OGDHL: variants seen among roughly 807,000 people sequenced by gnomAD.
OGDHL encodes the protein 2-oxoglutarate dehydrogenase-like, mitochondrial.
OGDHL carries 79 observed loss-of-function variants against 109.6 expected under a neutral mutation model. The ratio of observed to expected loss-of-function variants is 0.72; its 90% CI spans 0.60 to 0.87. The LOEUF (loss-of-function observed/expected upper bound fraction) is 0.87, where lower values mean the gene tolerates loss of function less well. Among genes scored for constraint, OGDHL ranks in the 40% least tolerant of loss-of-function variants. OGDHL has a pLI of 0.00. For synonymous variants in OGDHL, 528 were observed against 537.2 expected (o/e 0.98, Z 0.24); for missense variants, 1,275 against 1,362.2 (o/e 0.94, Z 1.01).
chr10:49,757,027 G>A lies in OGDHL; in HGVS notation c.205-81C>T, dbSNP rs1210208518. ...GTGGCCCAGGCTGGGGCCCCAAGGA[G>A]TGTCAGGTCTTCCTTGAGGACCACA... On this transcript the variant is annotated intron_variant, in intron 2 of 22. Coordinates refer to ENST00000374103, the MANE Select transcript of OGDHL (RefSeq NM_018245.3). The A allele has an allele frequency of 2.8e-6, 4 of 1,441,342 alleles. No homozygotes were observed. In the South Asian group the frequency reaches 4.1e-5, roughly 15 times the overall value. 89.3% of individuals were successfully genotyped at this position (1,441,342 alleles called of 1,614,324 possible).
chr10:49,746,144 C>T (rs752359814), intron 10 of OGDHL, among the ~76,000 whole-genome samples, 167 bp from the exon 11 acceptor site: 4 of 152,174 alleles, frequency 2.6e-5, no homozygotes, highest in Non-Finnish European at 5.9e-5. Flanking sequence ...TTAGACACGG[C>T]AACAGCTCCC....
intron 17 of OGDHL, 91 bp downstream of exon 17, chr10:49,739,570 C>T (rs1311859074): frequency 7.4e-6 from 11 of 1,482,836 alleles, no homozygotes; most frequent in African/African-American, 1.4e-5. Context: ...AGGCATATAC[C>T]GTCCAACCCG....
In OGDHL at chr10:49,736,401, T is replaced by A. The variant is rs375967375; in HGVS notation, c.2710A>T (p.Ser904Cys). The change falls in exon 21 of 23, where the codon AGC becomes TGC. Residue 904 changes from serine to cysteine, a missense_variant. Coordinates refer to ENST00000374103, the MANE Select transcript of OGDHL (RefSeq NM_018245.3). ...GCCACTTTCTCCTCCAGGTCCTGGCTGCTCCGCTCCTTCACCAGGTCATAG... is the reference window on the plus strand; with the variant it reads ...GCCACTTTCTCCTCCAGGTCCTGGCAGCTCCGCTCCTTCACCAGGTCATAG... ...VYYDLVKERS[S>C]QDLEEKVAIT... 3 of 1,614,066 alleles carry A rather than the reference T, an allele frequency of 1.9e-6. No homozygotes were observed. The African/African-American group carries it at 4.0e-5, about 22-fold the overall frequency.
chr10:49,760,666 C>T (rs952588797), intron 1 of OGDHL, among the ~76,000 whole-genome samples: 2 of 152,240 alleles, frequency 1.3e-5, no homozygotes, highest in Non-Finnish European at 2.9e-5. Context: ...ATTTAATCCT[C>T]CCAACATCCC....
chr10:49,749,670 C>G, intron 8 of OGDHL, 56 bp downstream of exon 8: 1 of 1,461,230 alleles, frequency 6.8e-7, no homozygotes, highest in Non-Finnish European at 9.3e-7. Context: ...CCTCCACAGT[C>G]CACCTCCCAA....
At chr10:49,745,714 G>A (rs1842129430) in intron 11 of OGDHL, 84 bp downstream of exon 11, 1 of 1,497,292 alleles carries the variant, frequency 6.7e-7, no homozygotes, top group Non-Finnish European at 9.2e-7. Flanking sequence ...AGCCCTGAGT[G>A]CTGAAGATGC....
Position 49,738,038 on chromosome 10 carries a change from T to C in OGDHL, c.2426A>G (p.Tyr809Cys), listed in dbSNP as rs1841341752. The change falls in exon 19 of 23, where the codon TAT becomes TGT. Residue 809 changes from tyrosine (Y) to cysteine (C), a missense_variant. Transcript: ENST00000374103. Reference protein sequence around the residue: ...FTKDFEVSQLYDCNWIVVNCS... With the variant: ...FTKDFEVSQLCDCNWIVVNCS... The stretch of plus-strand genomic sequence containing the variant: ...GTTGACCACGATCCAGTTGCAGTCA[T>C]AGAGCTGGCTCACCTCGAAGTCCTT... 6 of 1,614,132 alleles carry C rather than the reference T, an allele frequency of 3.7e-6. No individual in the cohort carries two copies. Among genetic ancestry groups the C allele is most frequent in the Non-Finnish European group, 5.1e-6 (6 of 1,180,022 alleles).
chr10:49,747,000 G>A (rs1195724142), intron 9 of OGDHL, 29 bp downstream of exon 9: 8 of 1,611,170 alleles, frequency 5.0e-6, no homozygotes, highest in East Asian at 2.2e-5. Flanking sequence ...AAGGGCCCAG[G>A]TCCTCTGGGT....
chr10:49,760,461 C>T (rs112046006), intron 1 of OGDHL, among the ~76,000 whole-genome samples: 3 of 152,340 alleles, frequency 2.0e-5, no homozygotes, highest in African/African-American at 7.2e-5. Flanking sequence ...TCGTGCCAGC[C>T]CAGCTGGCCA....
At chr10:49,741,227 G>A (rs530938576) in intron 15 of OGDHL, among the ~76,000 whole-genome samples, 3 of 152,188 alleles carry the variant, frequency 2.0e-5, no homozygotes, top group Non-Finnish European at 4.4e-5. Flanking sequence ...CCCCTGCCCC[G>A]TCTTGCTGGC....
At chr10:49,759,485 G>C (rs1476718518) in intron 1 of OGDHL, among the ~76,000 whole-genome samples, 1 of 151,032 alleles carries the variant, frequency 6.6e-6, no homozygotes, top group African/African-American at 2.4e-5. Flanking sequence ...GGCTTTCAGT[G>C]ATGGGGGCTT....
chr10:49,742,892 A>C lies in OGDHL; in HGVS notation c.1948T>G (p.Ser650Ala), dbSNP rs1338674278. Residue 650 changes from serine to alanine, a missense_variant, in exon 15 of 23, where the codon TCC becomes GCC. Physicochemically the swap from Ser to Ala is moderately conservative, Grantham distance 99 (BLOSUM62 1). Transcript: ENST00000374103. Reference protein sequence around the residue: ...WALAEYMAFGSLLKEGIHVRL... With the variant: ...WALAEYMAFGALLKEGIHVRL... Reference sequence around the variant, plus strand: ...ACGTGGATGCCTTCCTTCAGCAGGGAGCCAAAGGCCATGTACTCTGCCAAC... The same window carrying C: ...ACGTGGATGCCTTCCTTCAGCAGGGCGCCAAAGGCCATGTACTCTGCCAAC... The C allele has an allele frequency of 6.2e-7, 1 of 1,613,884 alleles. No homozygotes were observed. Among genetic ancestry groups the C allele is most frequent in the African/African-American group, 1.3e-5 (1 of 74,920 alleles).
intron 4 of OGDHL, 57 bp downstream of exon 4, chr10:49,752,581 C>T: frequency 1.4e-6 from 2 of 1,449,052 alleles, no homozygotes; most frequent in South Asian, 2.3e-5. Flanking sequence ...TGCCCGTGGG[C>T]CCCTTACTGG....
chr10:49,756,904 A>G lies in OGDHL; in HGVS notation c.247T>C (p.Ser83Pro). The change falls in exon 3 of 23, where the codon TCT (serine) becomes CCT (proline). Residue 83 changes from serine to proline, a missense_variant. Transcript: ENST00000374103. Reference sequence around the variant, plus strand: ...GGGGGCCGTGGCTGAGCAGAGCCAGAAAAGGCTTCCTCGCTGGCTTCCCTG... The same window carrying G: ...GGGGGCCGTGGCTGAGCAGAGCCAGGAAAGGCTTCCTCGCTGGCTTCCCTG... ...FFREASEEAF[S>P]GSAQPRPPSV... is the part of the protein sequence containing the mutation. 1 of 1,613,730 alleles carries G rather than the reference A, an allele frequency of 6.2e-7. No homozygotes were observed. Among genetic ancestry groups the G allele is most frequent in the Non-Finnish European group, 8.5e-7 (1 of 1,179,822 alleles).
chr10:49,747,376 T>C (rs1276103570), intron 8 of OGDHL, among the ~76,000 whole-genome samples, 168 bp from the exon 9 acceptor site: 1 of 152,106 alleles, frequency 6.6e-6, no homozygotes, highest in African/African-American at 2.4e-5. Flanking sequence ...CTGCCCCTCC[T>C]CACTGGCCTG....
In OGDHL at chr10:49,749,803, C is replaced by G; in HGVS notation, c.910G>C (p.Val304Leu). 6.3e-7 allele frequency: 1 copy of G among 1,597,746 alleles called. No individual in the cohort carries two copies. The highest frequency in any genetic ancestry group is 8.5e-7 in the Non-Finnish European group (1 of 1,175,684). ...LGMPHRGRLN[V>L]LANVIRKDLE... ...TCCTTGCGGATCACGTTGGCCAGCA[C>G]GTTCAGCCTTCCCCTGGAGCCAGAG... Residue 304 changes from valine (V) to leucine (L), a missense_variant, in exon 8 of 23, where the codon GTG (valine) becomes CTG (leucine). By Grantham distance (32) the Val-to-Leu change is conservative. Transcript: ENST00000374103.
Position 49,739,579 on chromosome 10 carries a change from C to G in OGDHL, c.2319+82G>C, listed in dbSNP as rs764765073. 7 of 1,522,804 alleles carry G rather than the reference C, an allele frequency of 4.6e-6. No homozygotes were observed. The African/African-American group carries it at 9.6e-5, about 21-fold the overall frequency. 94.3% of individuals were successfully genotyped at this position (1,522,804 alleles called of 1,614,324 possible). A position where few individuals can be genotyped will look rare whatever the true frequency, so the allele number is the denominator to read the frequency against. On this transcript the variant is annotated intron_variant, in intron 17 of 22. Transcript: ENST00000374103. ...CCTGGAAGGCATATACCGTCCAACC[C>G]GACAAGGGGCCCAGGGTCCATCCCG...
intron 16 of OGDHL, 104 bp downstream of exon 16, chr10:49,740,606 G>T (rs979176418): frequency 5.8e-6 from 8 of 1,388,754 alleles, no homozygotes; most frequent in Non-Finnish European, 5.8e-6. Context: ...GGGCCTCTGA[G>T]CATCTCTCGC....
chr10:49,750,760 G>T, intron 7 of OGDHL, 79 bp downstream of exon 7: 2 of 1,483,118 alleles, frequency 1.3e-6, no homozygotes, highest in Non-Finnish European at 1.8e-6. Flanking sequence ...CCTCCGCTCT[G>T]ATTTCCATCT....
Sources: allele counts gnomAD v4.1 joint callset (sites outside exome capture counted in the v4.1 genomes callset), GRCh38; gene constraint gnomAD v4.1.1; transcripts MANE v1.5; gene names NCBI Gene and HGNC (gene_info 2026-07-23, HGNC 2026-07-21).